Variants in DCDC2C observed in about 807,000 individuals in gnomAD.
The protein encoded by DCDC2C is doublecortin domain-containing protein 2C.
DCDC2C carries 44 observed loss-of-function variants against 45.0 expected under a neutral mutation model. The observed-to-expected ratio is 0.98, with a 90% CI of 0.77 to 1.26. The LOEUF is 1.26. DCDC2C is among the 50% of genes most tolerant of loss of function. The pLI, the probability that DCDC2C is intolerant of heterozygous loss-of-function variation, is 0.00. For missense variants in DCDC2C, 447 were observed against 468.9 expected, an observed-to-expected ratio of 0.95 and a Z score of 0.43; for synonymous variants, 187 against 178.8, an observed-to-expected ratio of 1.05 and a Z score of -0.37.
At chr2:3,750,869 C>T (rs1669523864) in intron 4 of DCDC2C, among the ~76,000 whole-genome samples, 1 of 151,862 alleles carries the variant, frequency 6.6e-6, no homozygotes, top group South Asian at 2.1e-4. Flanking sequence ...GGCACATCTG[C>T]TCACCCTCAT....
chr2:3,725,818 CT>C (rs1668657342), intron 2 of DCDC2C: 1 of 160,754 alleles, frequency 6.2e-6, no homozygotes, highest in Non-Finnish European at 1.3e-5. Flanking sequence ...GATAAGGCTG[CT>C]CGGTGGATCC....
chr2:3,842,830 G>A (rs1292918704), intron 10 of DCDC2C, among the ~76,000 whole-genome samples: 1 of 152,156 alleles, frequency 6.6e-6, no homozygotes, highest in East Asian at 1.9e-4. Flanking sequence ...AACAGGAGGA[G>A]AAGGAAAGAC....
chr2:3,750,073 C>T (rs958791588), intron 4 of DCDC2C, among the ~76,000 whole-genome samples: 28 of 151,450 alleles, frequency 1.8e-4, no homozygotes, highest in Non-Finnish European at 3.5e-4. Flanking sequence ...TCATTCTGCT[C>T]GGCACCCAGA....
intron 9 of DCDC2C, among the ~76,000 whole-genome samples, chr2:3,780,295 C>T (rs540300979): frequency 4.6e-5 from 7 of 152,120 alleles, no homozygotes; most frequent in African/African-American, 7.2e-5. Context: ...ATTTCAACAG[C>T]GATATGATCC....
intron 10 of DCDC2C, among the ~76,000 whole-genome samples, chr2:3,807,872 C>A (rs1485931864): frequency 6.6e-6 from 1 of 152,138 alleles, no homozygotes; most frequent in Non-Finnish European, 1.5e-5. Context: ...GGAGGTTCAC[C>A]CATCTGTGTG....
intron 10 of DCDC2C, among the ~76,000 whole-genome samples, chr2:3,801,388 T>C (rs1671108666): frequency 6.6e-6 from 1 of 152,204 alleles, no homozygotes; most frequent in African/African-American, 2.4e-5. Flanking sequence ...GTGCATAAGA[T>C]GAATCCATGG....
chr2:3,774,579 C>T (rs1343516571), intron 8 of DCDC2C, among the ~76,000 whole-genome samples: 2 of 152,238 alleles, frequency 1.3e-5, no homozygotes, highest in Admixed American at 6.5e-5. Flanking sequence ...ACCGTTTAAA[C>T]GGTGAGGAGA....
chr2:3,769,359 C>T lies in DCDC2C; in HGVS notation c.902C>T (p.Ala301Val), dbSNP rs980098189. The stretch of plus-strand genomic sequence containing the variant: ...ACTCCTAGCAAGGAAACCCAAGGGG[C>T]GCTGGACGTCAAAGAGGAGCACAAT... ...APTPSKETQG[A>V]LDVKEEHNVQ... Residue 301 changes from alanine to valine, a missense_variant, in exon 8 of 11, where the codon GCG (alanine) becomes GTG (valine). Transcript: ENST00000399143. The T allele has an allele frequency of 3.2e-6, 5 of 1,550,586 alleles. No individual in the cohort carries two copies. The highest frequency in any genetic ancestry group is 2.4e-5 in the South Asian group (2 of 84,056).
At chr2:3,809,913 G>A (rs920774243) in intron 10 of DCDC2C, among the ~76,000 whole-genome samples, 15 of 152,298 alleles carry the variant, frequency 9.8e-5, no homozygotes, top group African/African-American at 3.6e-4. Context: ...TCCCTGCAAA[G>A]GACATGATCT....
intron 10 of DCDC2C, among the ~76,000 whole-genome samples, chr2:3,789,712 CA>C (rs1407376383): frequency 1.3e-5 from 2 of 152,114 alleles, no homozygotes; most frequent in African/African-American, 4.8e-5. Context: ...CTTTCCTGTC[CA>C]GGGGTACTGA....
Position 3,785,580 on chromosome 2 carries a change from A to G in DCDC2C, c.1065+480A>G, listed in dbSNP as rs116626860. Among the ~76,000 whole-genome samples the G allele has an allele frequency of 5.9e-3, 903 of 152,124 alleles. 8 individuals are homozygous for G. The highest frequency in any genetic ancestry group is 0.021 in the African/African-American group (866 of 41,516). On this transcript the variant is annotated intron_variant, in intron 10 of 10. Coordinates refer to ENST00000399143, the MANE Select transcript of DCDC2C (RefSeq NM_001287444.2). The stretch of plus-strand genomic sequence containing the variant: ...GGGCTCACAGCCCTTGGGAAAGCGG[A>G]TGTGTAGCTGGGCCGGGAACCACAC...
intron 10 of DCDC2C, among the ~76,000 whole-genome samples, chr2:3,831,045 C>T (rs1572647744): frequency 6.6e-6 from 1 of 152,172 alleles, no homozygotes; most frequent in East Asian, 1.9e-4. Context: ...GTAGGATTTA[C>T]TTGGCGACTT....
chr2:3,769,314 G>C lies in DCDC2C; in HGVS notation c.857G>C (p.Gly286Ala), dbSNP rs1157613381. ...AEPLVQRGAE[G>A]DVYKAPTPSK... ...TGTCTGTGTGATTTTCTCCCAGAAG[G>C]TGACGTGTATAAAGCACCGACTCCT... Residue 286 changes from glycine (G) to alanine (A), a missense_variant, in exon 8 of 11, where the codon GGT becomes GCT. Transcript: ENST00000399143. 3.2e-6 allele frequency: 5 copies of C among 1,549,866 alleles called. No individual in the cohort carries two copies. The South Asian group carries it at 6.0e-5, about 18-fold the overall frequency.
chr2:3,842,630 T>A (rs1417363482), intron 10 of DCDC2C, among the ~76,000 whole-genome samples: 1 of 89,494 alleles, frequency 1.1e-5, no homozygotes, highest in Admixed American at 1.2e-4. Flanking sequence ...GCAAGGCTAA[T>A]TTGCAGTAAA....
intron 9 of DCDC2C, among the ~76,000 whole-genome samples, chr2:3,782,003 G>T (rs1038158969): frequency 1.3e-5 from 2 of 152,128 alleles, no homozygotes; most frequent in Non-Finnish European, 2.9e-5. Flanking sequence ...CATTTTCAAC[G>T]TGCAGTTCAG....
At chr2:3,827,155 A>G (rs903638032) in intron 10 of DCDC2C, among the ~76,000 whole-genome samples, 3 of 152,222 alleles carry the variant, frequency 2.0e-5, no homozygotes, top group Non-Finnish European at 2.9e-5. Flanking sequence ...CTTAGAATTC[A>G]GACTTGATTA....
chr2:3,760,783 C>T (rs1275513344), intron 6 of DCDC2C, among the ~76,000 whole-genome samples: 1 of 151,626 alleles, frequency 6.6e-6, no homozygotes, highest in Non-Finnish European at 1.5e-5. Context: ...CACCATGGCA[C>T]ATGTATACCC....
intron 6 of DCDC2C, among the ~76,000 whole-genome samples, chr2:3,755,311 A>G (rs1669663768): frequency 1.3e-5 from 2 of 149,174 alleles, no homozygotes; most frequent in Admixed American, 6.9e-5. Context: ...GCATATGAAT[A>G]CATGTTTGCA....
chr2:3,835,639 C>T (rs1022836281), intron 10 of DCDC2C, among the ~76,000 whole-genome samples: 1 of 152,188 alleles, frequency 6.6e-6, no homozygotes, highest in African/African-American at 2.4e-5. Context: ...TGTCTGAAAC[C>T]ATCGAGGTTT....
Sources: gnomAD v4.1 joint callset for allele counts (sites outside exome capture counted in the v4.1 genomes callset) on GRCh38, gnomAD v4.1.1 for gene constraint, MANE v1.5 for transcripts, NCBI Gene and HGNC (gene_info 2026-07-23, HGNC 2026-07-21) for gene names.